CCDC141: variants seen among roughly 807,000 people sequenced by gnomAD.
CCDC141 encodes coiled-coil domain containing 141, also known as coiled-coil domain-containing protein 141.
A neutral mutation model predicts 181.0 loss-of-function variants in CCDC141; 168 were observed. The ratio of observed to expected loss-of-function variants is 0.93; its 90% CI spans 0.82 to 1.05. The LOEUF (loss-of-function observed/expected upper bound fraction) is 1.05. Ranked by LOEUF, CCDC141 falls within the 50% of genes least tolerant of loss-of-function variation. The pLI is 0.00. For missense variants in CCDC141, 1,902 were observed against 1,788.5 expected, an observed-to-expected ratio of 1.06 and a Z score of -1.14; for synonymous variants, 666 against 642.3, an observed-to-expected ratio of 1.04 and a Z score of -0.56.
chr2:178,861,626 AC>A (rs1436909058), intron 17 of CCDC141, among the ~76,000 whole-genome samples: 1 of 140,144 alleles, frequency 7.1e-6, no homozygotes, highest in Admixed American at 7.3e-5. Flanking sequence ...ACAGAGTGAG[AC>A]TCAGTCTCAA....
chr2:179,028,290 C>G (rs529058050), intron 2 of CCDC141, among the ~76,000 whole-genome samples: 8 of 152,202 alleles, frequency 5.3e-5, no homozygotes, highest in Non-Finnish European at 8.8e-5. Context: ...AGCAAATGAA[C>G]TCTTCACTAA....
chr2:178,915,308 A>G (rs970177875), intron 7 of CCDC141, among the ~76,000 whole-genome samples: 3 of 152,262 alleles, frequency 2.0e-5, no homozygotes, highest in African/African-American at 7.2e-5. Context: ...TACTAAGTCT[A>G]TTCTGCAGAT....
intron 2 of CCDC141, among the ~76,000 whole-genome samples, chr2:178,991,467 T>A (rs901389824): frequency 3.3e-5 from 5 of 152,070 alleles, no homozygotes; most frequent in African/African-American, 1.2e-4. Flanking sequence ...AAGAACAAAA[T>A]GTTACACAAA....
At chr2:178,846,510 A>G (rs1381445905) in intron 21 of CCDC141, among the ~76,000 whole-genome samples, 34 of 152,226 alleles carry the variant, frequency 2.2e-4, no homozygotes. Flanking sequence ...CAAAATGCAT[A>G]TGCAACACTG....
At chr2:178,847,672 A>C (rs1418973943) in intron 21 of CCDC141, among the ~76,000 whole-genome samples, 1 of 152,168 alleles carries the variant, frequency 6.6e-6, no homozygotes, top group African/African-American at 2.4e-5. Flanking sequence ...GTTATATGTG[A>C]TGTAATTATA....
intron 7 of CCDC141, among the ~76,000 whole-genome samples, chr2:178,916,076 T>G (rs1306688964): frequency 1.3e-5 from 2 of 152,124 alleles, no homozygotes; most frequent in Non-Finnish European, 2.9e-5. Flanking sequence ...CATGTTAGCT[T>G]GAATGTAGGG....
chr2:179,004,392 C>CA (rs1161168851), intron 2 of CCDC141, among the ~76,000 whole-genome samples: 2 of 152,050 alleles, frequency 1.3e-5, no homozygotes, highest in Non-Finnish European at 2.9e-5. Context: ...ACATTTGTTT[C>CA]AAAAAATCAT....
intron 22 of CCDC141, among the ~76,000 whole-genome samples, 156 bp from the exon 23 acceptor site, chr2:178,837,900 G>C (rs941019169): frequency 1.3e-5 from 2 of 152,206 alleles, no homozygotes; most frequent in Non-Finnish European, 2.9e-5. Flanking sequence ...GAAACCATTT[G>C]TCTGTCGATC....
At chr2:178,941,389 C>A (rs1689503852) in intron 6 of CCDC141, among the ~76,000 whole-genome samples, 2 of 152,132 alleles carry the variant, frequency 1.3e-5, no homozygotes. Context: ...AGTTATCTTG[C>A]CAGTGAATTA....
At chr2:178,843,759 G>T (rs941237310) in intron 22 of CCDC141, among the ~76,000 whole-genome samples, 1 of 152,144 alleles carries the variant, frequency 6.6e-6, no homozygotes, top group Non-Finnish European at 1.5e-5. Flanking sequence ...CTTCCTATCT[G>T]CCCACATGGG....
intron 4 of CCDC141, among the ~76,000 whole-genome samples, chr2:178,963,160 G>A (rs1690480293): frequency 6.6e-6 from 1 of 152,094 alleles, no homozygotes; most frequent in Non-Finnish European, 1.5e-5. Flanking sequence ...GAAATTGGGG[G>A]AGCTACAAAT....
chr2:178,905,319 C>T lies in CCDC141; in HGVS notation c.1265+10G>A. On this transcript the variant is annotated intron_variant, in intron 8 of 23. Transcript: ENST00000443758. ...CTTGTTACACTGAGAAAGAAATCAA[C>T]TTTACTCACCTGCAGGAGTCTACTT... The T allele has an allele frequency of 6.5e-7, 1 of 1,535,474 alleles. No homozygotes were observed. Among genetic ancestry groups the T allele is most frequent in the South Asian group, 1.2e-5 (1 of 80,918 alleles).
intron 22 of CCDC141, among the ~76,000 whole-genome samples, chr2:178,840,103 A>T (rs1561624475): frequency 6.6e-6 from 1 of 152,242 alleles, no homozygotes; most frequent in Non-Finnish European, 1.5e-5. Context: ...CTACACAAAA[A>T]GTCCAGCTGC....
At chr2:178,900,979 C>T (rs887412835) in intron 8 of CCDC141, among the ~76,000 whole-genome samples, 5 of 152,066 alleles carry the variant, frequency 3.3e-5, no homozygotes, top group South Asian at 2.1e-4. Context: ...ATTTTTAGAT[C>T]AAAGCTCAGA....
the CCDC141 span, among the ~76,000 whole-genome samples, chr2:178,824,617 CAA>C: frequency 0.33 from 16,488 of 50,420 alleles, 772 homozygotes; most frequent in Middle Eastern, 0.38. Context: ...GAGACTTCGT[CAA>C]AAAAAAAAAA....
At chr2:179,043,563 A>G (rs1436685295) in intron 2 of CCDC141, among the ~76,000 whole-genome samples, 8 of 152,264 alleles carry the variant, frequency 5.3e-5, no homozygotes, top group African/African-American at 1.2e-4. Flanking sequence ...AAACAGAACT[A>G]AAGACAAAAA....
In CCDC141 at chr2:178,865,993, T is replaced by C. The variant is rs552061753; in HGVS notation, c.2575-77A>G. 1.3e-5 allele frequency: 15 copies of C among 1,152,546 alleles called. No homozygotes were observed. The East Asian group carries it at 2.3e-4, about 18-fold the overall frequency. The allele number at this position is 1,152,546 out of a possible 1,614,324, so 71.4% of individuals were successfully genotyped here. On this transcript the variant is annotated intron_variant, in intron 16 of 23. Coordinates refer to ENST00000443758, the MANE Select transcript of CCDC141 (RefSeq NM_173648.4). Reference sequence around the variant, plus strand: ...ACGAGTAGGCTATTTACCTGAATTATGAAACTCATAAATGACACTTTTTAA... The same window carrying C: ...ACGAGTAGGCTATTTACCTGAATTACGAAACTCATAAATGACACTTTTTAA...
chr2:179,039,909 A>G (rs936590978), intron 2 of CCDC141, among the ~76,000 whole-genome samples: 6 of 152,164 alleles, frequency 3.9e-5, no homozygotes, highest in African/African-American at 1.4e-4. Context: ...GTCTTTTGTC[A>G]GCAAATCTGA....
intron 11 of CCDC141, among the ~76,000 whole-genome samples, chr2:178,883,506 G>C (rs906155793): frequency 1.9e-4 from 29 of 152,216 alleles, no homozygotes; most frequent in African/African-American, 6.8e-4. Context: ...AAAGGATGCA[G>C]TGGTGAATTG....
Sources: gnomAD v4.1 joint callset for allele counts (sites outside exome capture counted in the v4.1 genomes callset) on GRCh38, gnomAD v4.1.1 for gene constraint, MANE v1.5 for transcripts, NCBI Gene and HGNC (gene_info 2026-07-23, HGNC 2026-07-21) for gene names.